WWOX: variants seen among roughly 807,000 people sequenced by gnomAD.
WWOX encodes the protein WW domain containing oxidoreductase.
In WWOX, 69 loss-of-function variants were observed where a neutral mutation model predicts 46.2. The observed-to-expected ratio is 1.49, with a 90% CI of 1.23 to 1.82. The LOEUF is 1.82. Ranked by LOEUF, WWOX falls within the 40% of genes most tolerant of loss-of-function variation. The pLI, the probability that WWOX is intolerant of heterozygous loss-of-function variation, is 0.00. For synonymous variants in WWOX, 359 were observed against 202.6 expected, an observed-to-expected ratio of 1.77 and a Z score of -6.56; for missense variants, 919 against 542.6, an observed-to-expected ratio of 1.69 and a Z score of -6.89.
intron 5 of WWOX, among the ~76,000 whole-genome samples, chr16:78,318,545 A>C (rs1394815528): frequency 6.6e-6 from 1 of 152,204 alleles, no homozygotes; most frequent in African/African-American, 2.4e-5. Flanking sequence ...CACAACATTT[A>C]GGCACACAGT....
intron 8 of WWOX, among the ~76,000 whole-genome samples, chr16:78,797,358 T>TAAAAAAAAAAAAA (rs57291441): frequency 4.2e-4 from 49 of 116,606 alleles, no homozygotes; most frequent in African/African-American, 1.7e-3. Flanking sequence ...GTCAAAGTGG[T>TAAAAAAAAAAAAA]AAAAAAAAAA....
chr16:78,153,403 C>T (rs763525856), intron 4 of WWOX, among the ~76,000 whole-genome samples: 2 of 152,108 alleles, frequency 1.3e-5, no homozygotes, highest in Non-Finnish European at 2.9e-5. Flanking sequence ...GAAACTCATC[C>T]TTAAAGATAG....
chr16:79,058,144 C>T (rs1474643789), intron 8 of WWOX, among the ~76,000 whole-genome samples: 2 of 148,980 alleles, frequency 1.3e-5, no homozygotes, highest in Non-Finnish European at 1.5e-5. Context: ...AAAAAAAACT[C>T]CTTCTTCATT....
intron 8 of WWOX, among the ~76,000 whole-genome samples, chr16:79,008,384 C>T (rs1023980349): frequency 6.6e-6 from 1 of 152,200 alleles, no homozygotes. Context: ...GCAAAACCAA[C>T]TGCGTTCAGG....
chr16:78,415,287 C>A (rs1033327222), intron 6 of WWOX, among the ~76,000 whole-genome samples: 1 of 151,916 alleles, frequency 6.6e-6, no homozygotes, highest in East Asian at 1.9e-4. Flanking sequence ...TGTCTCTTAG[C>A]GTGCTAATGG....
At chr16:78,245,812 G>C (rs2151823805) in intron 5 of WWOX, among the ~76,000 whole-genome samples, 1 of 152,298 alleles carries the variant, frequency 6.6e-6, no homozygotes, top group African/African-American at 2.4e-5. Flanking sequence ...CAATAGCTGA[G>C]ACCCAAGTGC....
chr16:78,981,199 C>T (rs761404587), intron 8 of WWOX, among the ~76,000 whole-genome samples: 1 of 152,132 alleles, frequency 6.6e-6, no homozygotes, highest in East Asian at 1.9e-4. Context: ...GATGTCCTGG[C>T]TGTGTTAGCA....
intron 5 of WWOX, among the ~76,000 whole-genome samples, chr16:78,199,439 A>C (rs1249398169): frequency 6.6e-6 from 1 of 152,204 alleles, no homozygotes; most frequent in Non-Finnish European, 1.5e-5. Context: ...GGCCATCTAG[A>C]AATTTCTAAC....
At chr16:78,715,475 A>G (rs1253926573) in intron 8 of WWOX, among the ~76,000 whole-genome samples, 1 of 129,942 alleles carries the variant, frequency 7.7e-6, no homozygotes, top group Non-Finnish European at 1.6e-5. Context: ...CCCCACCCCT[A>G]CCCACCGTTT....
chr16:78,363,330 G>A (rs1300127191), intron 5 of WWOX, among the ~76,000 whole-genome samples: 1 of 151,736 alleles, frequency 6.6e-6, no homozygotes, highest in East Asian at 1.9e-4. Flanking sequence ...CTGCAGTGCA[G>A]TGGCGCGATG....
At chr16:78,758,455 G>T (rs1430118202) in intron 8 of WWOX, among the ~76,000 whole-genome samples, 2 of 152,160 alleles carry the variant, frequency 1.3e-5, no homozygotes, top group Admixed American at 1.3e-4. Flanking sequence ...TCCATAAATT[G>T]GTTAGGCATG....
Position 78,442,460 on chromosome 16 carries a change from A to G in WWOX, c.1056+9708A>G, listed in dbSNP as rs185078687. Among the ~76,000 whole-genome samples, 3 of 151,924 alleles carry G rather than the reference A, an allele frequency of 2.0e-5. No individual in the cohort carries two copies. In the East Asian group the frequency reaches 5.8e-4, roughly 29 times the overall value. ...TATCACCCCCTCCCACTTCCCCACT[A>G]CCAGCCCCTCCTGGGAACTGCCCTC... On this transcript the variant is annotated intron_variant, in intron 8 of 8. Transcript: ENST00000566780.
intron 5 of WWOX, among the ~76,000 whole-genome samples, chr16:78,193,811 A>G (rs2035958052): frequency 6.9e-6 from 1 of 145,544 alleles, no homozygotes; most frequent in South Asian, 2.2e-4. Flanking sequence ...AACTTAATTT[A>G]ATTTTTATTT....
intron 8 of WWOX, among the ~76,000 whole-genome samples, chr16:78,507,000 C>T (rs980672699): frequency 3.9e-5 from 6 of 152,160 alleles, no homozygotes; most frequent in Admixed American, 2.6e-4. Context: ...AGGCGTGAGC[C>T]ACCGTGCACG....
At chr16:78,105,305 TACAAA>T (rs2032070500) in intron 1 of WWOX, among the ~76,000 whole-genome samples, 18 of 152,080 alleles carry the variant, frequency 1.2e-4, no homozygotes, top group Admixed American at 1.2e-3. Context: ...CTACTAAAAA[TACAAA>T]AATTATCCCG....
At chr16:78,223,929 A>G (rs890675141) in intron 5 of WWOX, among the ~76,000 whole-genome samples, 1 of 152,202 alleles carries the variant, frequency 6.6e-6, no homozygotes, top group Non-Finnish European at 1.5e-5. Flanking sequence ...AGAGGCCCAG[A>G]TGGAGTAAGT....
chr16:78,775,680 G>A (rs1056450890), intron 8 of WWOX, among the ~76,000 whole-genome samples: 1 of 152,170 alleles, frequency 6.6e-6, no homozygotes, highest in Admixed American at 6.5e-5. Context: ...GTAATATGGT[G>A]CGAGCAATGG....
intron 8 of WWOX, among the ~76,000 whole-genome samples, chr16:78,481,886 AAT>A (rs1250626812): frequency 6.6e-6 from 1 of 152,158 alleles, no homozygotes; most frequent in Non-Finnish European, 1.5e-5. Context: ...TTTAAAATAA[AAT>A]AAATAACTTT....
intron 6 of WWOX, among the ~76,000 whole-genome samples, chr16:78,410,370 A>C (rs1367497531): frequency 6.6e-6 from 1 of 152,150 alleles, no homozygotes; most frequent in Non-Finnish European, 1.5e-5. Context: ...CATGTAAGGT[A>C]ATATGTTCAG....
Sources: gnomAD v4.1 joint callset for allele counts (sites outside exome capture counted in the v4.1 genomes callset) on GRCh38, gnomAD v4.1.1 for gene constraint, MANE v1.5 for transcripts, NCBI Gene and HGNC (gene_info 2026-07-23, HGNC 2026-07-21) for gene names.